The following RBFOX1 variants were observed in gnomAD, a reference collection of about 807,000 sequenced individuals.
The protein encoded by RBFOX1 is RNA binding fox-1 homolog 1, also known as RNA binding protein fox-1 homolog 1.
Under a neutral mutation model 57.7 loss-of-function variants are expected in RBFOX1, and 8 were observed. That is an observed-to-expected ratio of 0.14 (90% confidence interval 0.08 to 0.25). RBFOX1 has a LOEUF of 0.25. Ranked by LOEUF, RBFOX1 falls within the 10% of genes least tolerant of loss-of-function variation. RBFOX1 has a pLI of 1.00. For synonymous variants in RBFOX1, 326 were observed against 222.4 expected (o/e 1.47, Z -4.15); for missense variants, 611 against 548.5 (o/e 1.11, Z -1.14).
intron 4 of RBFOX1, among the ~76,000 whole-genome samples, chr16:7,292,829 G>C (rs1337050743): frequency 6.6e-6 from 1 of 152,068 alleles, no homozygotes; most frequent in Non-Finnish European, 1.5e-5. Flanking sequence ...TCTTGTAATG[G>C]AGCGTACAGG....
At chr16:6,474,882 A>G (rs1487685124) in intron 2 of RBFOX1, among the ~76,000 whole-genome samples, 1 of 152,186 alleles carries the variant, frequency 6.6e-6, no homozygotes, top group Non-Finnish European at 1.5e-5. Flanking sequence ...ATATCATAAC[A>G]TCAGGAAGTG....
At chr16:7,228,017 A>G (rs1410095340) in intron 4 of RBFOX1, among the ~76,000 whole-genome samples, 1 of 152,156 alleles carries the variant, frequency 6.6e-6, no homozygotes, top group Non-Finnish European at 1.5e-5. Flanking sequence ...GGATACCAGT[A>G]GCACCCACCC....
chr16:5,670,258 T>G (rs565572690), intron 3 of RBFOX1, among the ~76,000 whole-genome samples: 1 of 152,208 alleles, frequency 6.6e-6, no homozygotes, highest in Non-Finnish European at 1.5e-5. Context: ...CAGATAGCGA[T>G]GATGGTTGCT....
At chr16:5,862,460 C>A (rs1031937021) in intron 3 of RBFOX1, among the ~76,000 whole-genome samples, 1 of 152,046 alleles carries the variant, frequency 6.6e-6, no homozygotes, top group African/African-American at 2.4e-5. Flanking sequence ...ACTGTAAATA[C>A]TGGAGGCAGG....
chr16:5,565,067 A>G (rs2046017525), intron 2 of RBFOX1, among the ~76,000 whole-genome samples: 1 of 152,190 alleles, frequency 6.6e-6, no homozygotes, highest in East Asian at 1.9e-4. Flanking sequence ...GGTGAGCAGG[A>G]GACAGTGAGG....
chr16:7,281,991 G>T (rs1231658074), intron 4 of RBFOX1, among the ~76,000 whole-genome samples: 1 of 152,036 alleles, frequency 6.6e-6, no homozygotes, highest in Non-Finnish European at 1.5e-5. Flanking sequence ...TCAGCGTCCG[G>T]AGTAGCTGGG....
chr16:7,532,370 G>A (rs1303943696), intron 5 of RBFOX1, among the ~76,000 whole-genome samples: 1 of 152,132 alleles, frequency 6.6e-6, no homozygotes, highest in Non-Finnish European at 1.5e-5. Context: ...GAGTTTCTGT[G>A]ACTCCAGAAG....
intron 2 of RBFOX1, among the ~76,000 whole-genome samples, chr16:6,568,281 G>C (rs1339236474): frequency 6.6e-6 from 1 of 152,166 alleles, no homozygotes; most frequent in African/African-American, 2.4e-5. Context: ...GCAGCCGTCA[G>C]TGACAGTTGG....
chr16:5,521,970 C>G (rs2044038148), intron 2 of RBFOX1, among the ~76,000 whole-genome samples: 1 of 152,186 alleles, frequency 6.6e-6, no homozygotes, highest in Non-Finnish European at 1.5e-5. Flanking sequence ...AGGGAAAAGA[C>G]TTACTAGGCT....
intron 3 of RBFOX1, among the ~76,000 whole-genome samples, chr16:5,709,578 C>G (rs971812579): frequency 7.9e-5 from 12 of 151,440 alleles, no homozygotes; most frequent in Admixed American, 2.6e-4. Context: ...TCCCAGGCCT[C>G]CTCCTGACAC....
chr16:7,453,840 G>C (rs543965035), intron 4 of RBFOX1, among the ~76,000 whole-genome samples: 97 of 152,252 alleles, frequency 6.4e-4, no homozygotes, highest in Non-Finnish European at 1.2e-3. Flanking sequence ...GGCATTCCTA[G>C]AGTTCATGTC....
At chr16:7,436,349 C>T (rs1477671069) in intron 4 of RBFOX1, among the ~76,000 whole-genome samples, 1 of 152,170 alleles carries the variant, frequency 6.6e-6, no homozygotes, top group Non-Finnish European at 1.5e-5. Flanking sequence ...CAAACTTGGA[C>T]AAACGTGTTT....
chr16:5,981,044 G>A (rs2060162930), intron 4 of RBFOX1, among the ~76,000 whole-genome samples: 1 of 152,170 alleles, frequency 6.6e-6, no homozygotes, highest in African/African-American at 2.4e-5. Flanking sequence ...CTCCACCCCA[G>A]GCTACGTTCC....
At chr16:6,825,895 C>G (rs922460192) in intron 3 of RBFOX1, among the ~76,000 whole-genome samples, 6 of 152,330 alleles carry the variant, frequency 3.9e-5, no homozygotes, top group African/African-American at 1.4e-4. Flanking sequence ...GGCAGCAAGA[C>G]TTTAGGAATC....
chr16:7,479,049 G>A (rs986098737), intron 4 of RBFOX1, among the ~76,000 whole-genome samples: 1 of 151,994 alleles, frequency 6.6e-6, no homozygotes, highest in African/African-American at 2.4e-5. Context: ...TCCACAAACA[G>A]GAAAGTGGAG....
chr16:6,091,470 A>C (rs1230837817), intron 1 of RBFOX1, among the ~76,000 whole-genome samples: 1 of 152,114 alleles, frequency 6.6e-6, no homozygotes, highest in Non-Finnish European at 1.5e-5. Context: ...TGAGCGGTCT[A>C]TATCTATTTT....
chr16:7,387,498 G>A (rs2097904343), intron 4 of RBFOX1, among the ~76,000 whole-genome samples: 1 of 152,086 alleles, frequency 6.6e-6, no homozygotes, highest in African/African-American at 2.4e-5. Context: ...TATCTCCCTG[G>A]GTCTCGTTTC....
chr16:7,096,009 T>A (rs1395823115), intron 4 of RBFOX1, among the ~76,000 whole-genome samples: 1 of 71,574 alleles, frequency 1.4e-5, no homozygotes. Context: ...TGAGACTCTG[T>A]CTCAAAAAAA....
At chr16:6,582,774 C>T (rs1190134442) in intron 2 of RBFOX1, among the ~76,000 whole-genome samples, 1 of 151,268 alleles carries the variant, frequency 6.6e-6, no homozygotes, top group Non-Finnish European at 1.5e-5. Flanking sequence ...TTCTTTCCTT[C>T]CTCTTTCCCT....
Sources: allele counts gnomAD v4.1 joint callset (sites outside exome capture counted in the v4.1 genomes callset), GRCh38; gene constraint gnomAD v4.1.1; transcripts MANE v1.5; gene names NCBI Gene and HGNC (gene_info 2026-07-23, HGNC 2026-07-21).